The following GNAS variants were observed in gnomAD, a reference collection of about 807,000 sequenced individuals.
GNAS encodes the protein GNAS complex locus, also known as protein ALEX.
GNAS carries 8 observed loss-of-function variants against 54.5 expected under a neutral mutation model. The ratio of observed to expected loss-of-function variants is 0.15; its 90% CI spans 0.09 to 0.26. GNAS has a LOEUF of 0.26. GNAS is among the 10% of genes least tolerant of loss of function. The probability of loss-of-function intolerance (pLI) is 1.00; values close to 1 mark genes in which losing one functional copy is unlikely to be tolerated. For synonymous variants in GNAS, 204 were observed against 191.4 expected, an observed-to-expected ratio of 1.07 and a Z score of -0.54; for missense variants, 170 against 529.8, an observed-to-expected ratio of 0.32 and a Z score of 6.67.
At chr20:58,892,291 G>A (rs1350435719) in intron 1 of GNAS, 2 of 595,844 alleles carry the variant, frequency 3.4e-6, no homozygotes, top group South Asian at 7.4e-5. Flanking sequence ...CAGGAAACCG[G>A]GTGGCGGGTA....
chr20:58,910,417 CTTTA>C lies in GNAS; in HGVS notation c.1038+17_1038+20del, dbSNP rs773644530. 2.1e-4 allele frequency: 337 copies of C among 1,583,756 alleles called. No individual in the cohort carries two copies. The highest frequency in any genetic ancestry group is 2.3e-4 in the Non-Finnish European group (270 of 1,152,486). On this transcript the variant is annotated intron_variant, in intron 12 of 12. Transcript: ENST00000371085. This position sits in a 1 kb window ranked among gnomAD's most constrained non-coding sequence, Gnocchi z 5.8. ...TGAGTTTCTGGTGAGTCGAGCCTGT[CTTTA>C]GTTTCCTCTCTTGTTCCTCCTCTTT...
Position 58,909,906 on chromosome 20 carries a change from A to C in GNAS, c.840-45A>C. On this transcript the variant is annotated intron_variant, in intron 10 of 12. Coordinates refer to ENST00000371085, the MANE Select transcript of GNAS (RefSeq NM_000516.7). The surrounding 1 kb of genome is among the most constrained non-coding windows in gnomAD (Gnocchi z 7.3). The stretch of plus-strand genomic sequence containing the variant: ...TGCAAGCATTCCAGACCCCTGGCCG[A>C]AAGCGCGCTTCTCCCAAGCATTCAC... 1 of 1,613,704 alleles carries C rather than the reference A, an allele frequency of 6.2e-7. No homozygotes were observed. Among genetic ancestry groups the C allele is most frequent in the South Asian group, 1.1e-5 (1 of 91,064 alleles).
intron 1 of GNAS, 57 bp from the exon 2 acceptor site, chr20:58,895,555 C>G (rs771384997): frequency 9.6e-7 from 1 of 1,041,312 alleles, no homozygotes; most frequent in African/African-American, 1.6e-5. Flanking sequence ...GCAGACCTCC[C>G]TGCCCAAAGT....
rs76501839 is a variant in GNAS at position 58,850,440 on chromosome 20, G to C, written c.43+9554G>C. On this transcript the variant is annotated intron_variant, in intron 1 of 12. Coordinates refer to the GNAS transcript ENST00000306090. ...CCGTTCCTCGACAAATGGTACTTTGGGGGTGAGCGCGAGGCCTGACGAAAG... is the reference window on the plus strand; with the variant it reads ...CCGTTCCTCGACAAATGGTACTTTGCGGGTGAGCGCGAGGCCTGACGAAAG... The C allele has an allele frequency of 9.6e-3, 3,821 of 397,664 alleles. 128 individuals are homozygous for C. Among genetic ancestry groups the C allele is most frequent in the African/African-American group, 0.072 (3,485 of 48,720 alleles). 24.6% of individuals were successfully genotyped at this position (397,664 alleles called of 1,614,324 possible).
intron 6 of GNAS, among the ~76,000 whole-genome samples, chr20:58,908,101 A>G (rs1165239770): frequency 6.6e-6 from 1 of 152,232 alleles, no homozygotes. Context: ...CTGAACTAGT[A>G]AAAAGGAAGA....
At chr20:58,902,316 A>G (rs2090687399) in intron 3 of GNAS, among the ~76,000 whole-genome samples, 1 of 152,188 alleles carries the variant, frequency 6.6e-6, no homozygotes, top group Non-Finnish European at 1.5e-5. Context: ...CTCTAAAAAC[A>G]TAAACTCGAG....
intron 1 of GNAS, 49 bp downstream of exon 1, chr20:58,891,914 G>A: frequency 1.0e-6 from 1 of 965,332 alleles, no homozygotes; most frequent in African/African-American, 1.8e-5. Context: ...CCCTCGAAGG[G>A]CGCCCCGCAG....
chr20:58,889,138 A>C (rs2088838880), upstream of GNAS: 1 of 1,201,758 alleles, frequency 8.3e-7, no homozygotes, highest in Non-Finnish European at 1.1e-6. Context: ...CTGGGGCGTC[A>C]TCGGGGCCGG....
chr20:58,909,265 C>T lies in GNAS; in HGVS notation c.585+49C>T, dbSNP rs775659729. ...GAGGACTCTGAGCCCTCTTTCCAAA[C>T]TACTCCAGACCTTTGCTTTAGATTG... On this transcript the variant is annotated intron_variant, in intron 7 of 12. Transcript: ENST00000371085. The surrounding 1 kb of genome is among the most constrained non-coding windows in gnomAD (Gnocchi z 7.3). 6.3e-7 allele frequency: 1 copy of T among 1,589,150 alleles called. No homozygotes were observed. The highest frequency in any genetic ancestry group is 2.2e-5 in the East Asian group (1 of 44,746).
At chr20:58,862,226 C>T (rs769992843) in intron 1 of GNAS, among the ~76,000 whole-genome samples, 10 of 150,380 alleles carry the variant, frequency 6.6e-5, no homozygotes, top group Non-Finnish European at 1.3e-4. Context: ...GGCATGATCT[C>T]GGCTCACTGC....
intron 1 of GNAS, among the ~76,000 whole-genome samples, chr20:58,862,433 A>G (rs2086828979): frequency 6.6e-6 from 1 of 151,998 alleles, no homozygotes; most frequent in Admixed American, 6.5e-5. Context: ...TGCTGAGATT[A>G]CAGGTGTGAG....
intron 1 of GNAS, among the ~76,000 whole-genome samples, chr20:58,886,180 G>C (rs999293156): frequency 6.6e-6 from 1 of 152,212 alleles, no homozygotes; most frequent in East Asian, 1.9e-4. Flanking sequence ...AAGCTGACAA[G>C]ACCACAGAAT....
At chr20:58,842,098 G>A in intron 1 of GNAS, 1 of 402,332 alleles carries the variant, frequency 2.5e-6, no homozygotes, top group Admixed American at 4.4e-5. Context: ...TTTTCAGCAC[G>A]GGTAGAGTTA....
intron 1 of GNAS, among the ~76,000 whole-genome samples, chr20:58,879,412 C>G (rs1264920256): frequency 6.6e-6 from 1 of 152,200 alleles, no homozygotes; most frequent in Non-Finnish European, 1.5e-5. Flanking sequence ...TATTCATTGC[C>G]TGCAGATGTC....
chr20:58,894,681 T>C (rs557941459), intron 1 of GNAS, among the ~76,000 whole-genome samples: 9 of 152,328 alleles, frequency 5.9e-5, no homozygotes, highest in Admixed American at 2.0e-4. Context: ...TTTTTACAAA[T>C]GAAAGATGAT....
At chr20:58,875,900 A>T (rs1392424300) in intron 1 of GNAS, among the ~76,000 whole-genome samples, 2 of 152,132 alleles carry the variant, frequency 1.3e-5, no homozygotes, top group Non-Finnish European at 2.9e-5. Flanking sequence ...GGCATGGGGG[A>T]AGGAGCAAGG....
Position 58,854,738 on chromosome 20 carries a change from G to T in GNAS, c.43+13852G>T, listed in dbSNP as rs755184062. 1.9e-6 allele frequency: 3 copies of T among 1,539,102 alleles called. No individual in the cohort carries two copies. Among genetic ancestry groups the T allele is most frequent in the South Asian group, 2.4e-5 (2 of 84,178 alleles). On this transcript the variant is annotated intron_variant, in intron 1 of 12. Transcript: ENST00000306090. ...GGGCAGCCCATGTCGCCCCAGCTGC[G>T]CCAGACGCAGGGGCTCCCACTGCCC...
intron 1 of GNAS, chr20:58,844,144 C>T (rs1195066034): frequency 6.6e-6 from 1 of 152,206 alleles, no homozygotes; most frequent in East Asian, 1.9e-4. Flanking sequence ...TATTATTATA[C>T]TGCTCTTCAA....
chr20:58,862,772 A>T (rs961524239), intron 1 of GNAS, among the ~76,000 whole-genome samples: 1 of 151,906 alleles, frequency 6.6e-6, no homozygotes, highest in South Asian at 2.1e-4. Context: ...AGTCACTCTC[A>T]GGTGAATGAT....
Sources: gnomAD v4.1 joint callset for allele counts (sites outside exome capture counted in the v4.1 genomes callset) on GRCh38, gnomAD v4.1.1 for gene constraint, Gnocchi (gnomAD v3.1) non-coding constraint, MANE v1.5 for transcripts, NCBI Gene and HGNC (gene_info 2026-07-23, HGNC 2026-07-21) for gene names.